The following TXNRD3 variants were observed in gnomAD, a reference collection of about 807,000 sequenced individuals.
The protein encoded by TXNRD3 is thioredoxin reductase 3.
A neutral mutation model predicts 78.2 loss-of-function variants in TXNRD3; 68 were observed. The ratio of observed to expected loss-of-function variants is 0.87; its 90% CI spans 0.72 to 1.06. The LOEUF is 1.06. TXNRD3 is among the 50% of genes least tolerant of loss of function. TXNRD3 has a pLI of 0.00. For synonymous variants in TXNRD3, 296 were observed against 300.1 expected, an observed-to-expected ratio of 0.99 and a Z score of 0.14; for missense variants, 751 against 809.5, an observed-to-expected ratio of 0.93 and a Z score of 0.88.
chr3:126,631,860 T>C lies in TXNRD3; in HGVS notation c.875A>G (p.Gln292Arg), dbSNP rs1938722861. The C allele has an allele frequency of 6.5e-7, 1 of 1,535,954 alleles. No homozygotes were observed. The highest frequency in any genetic ancestry group is 2.0e-5 in the Admixed American group (1 of 50,982). The change falls in exon 8 of 16, where the codon CAG becomes CGG. Residue 292 changes from glutamine to arginine, a missense_variant. Transcript: ENST00000524230. ...CTGTGCAGCAGTATAATAAGTCTCC[T>C]GTCCTTTTTTATTGGTTGCCTTGAA...
rs1275325580 is a variant in TXNRD3, at chr3:126,654,844, G to A, written c.147C>T (p.Ser49=). ...GGCGGCGCAGCTCCTCGCGGGCCTC[G>A]GACGAGCGGCTGGGCCCGGGGGACG... The change falls in exon 1 of 16, where the codon TCC becomes TCT. Residue 49 remains serine (S), a synonymous_variant. Coordinates refer to ENST00000524230, the MANE Select transcript of TXNRD3 (RefSeq NM_052883.3). The A allele has an allele frequency of 1.5e-6, 2 of 1,370,720 alleles. No individual in the cohort carries two copies. The highest frequency in any genetic ancestry group is 1.7e-5 in the South Asian group (1 of 59,434). 84.9% of individuals were successfully genotyped at this position (1,370,720 alleles called of 1,614,324 possible).
intron 13 of TXNRD3, among the ~76,000 whole-genome samples, chr3:126,615,088 T>C (rs1206613324): frequency 6.6e-6 from 1 of 152,200 alleles, no homozygotes; most frequent in Non-Finnish European, 1.5e-5. Context: ...AGCTTCCTTG[T>C]ACAAGTTTGC....
chr3:126,630,658 T>C, intron 9 of TXNRD3, 54 bp downstream of exon 9: 1 of 1,433,154 alleles, frequency 7.0e-7, no homozygotes, highest in Non-Finnish European at 9.5e-7. Context: ...TGAAGTAAGG[T>C]GAGATAAAGT....
In TXNRD3 at chr3:126,622,375, C is replaced by T. The variant is rs531297140; in HGVS notation, c.1367+89G>A. The T allele has an allele frequency of 4.2e-4, 359 of 848,074 alleles. 5 individuals carry two copies. In the South Asian group the frequency reaches 6.6e-3, roughly 15 times the overall value. The allele number at this position is 848,074 out of a possible 1,614,324, so 52.5% of individuals were successfully genotyped here. The stretch of plus-strand genomic sequence containing the variant: ...ACTTATAAGATAAATTAAGACATAT[C>T]TCAGTAATTAAATGAGAATTTCTTA... On this transcript the variant is annotated intron_variant, in intron 11 of 15. Coordinates refer to ENST00000524230, the MANE Select transcript of TXNRD3 (RefSeq NM_052883.3).
intron 9 of TXNRD3, among the ~76,000 whole-genome samples, chr3:126,630,279 A>G (rs1250794848): frequency 6.6e-6 from 1 of 152,258 alleles, no homozygotes; most frequent in Non-Finnish European, 1.5e-5. Context: ...AGCAGCTGAC[A>G]GTCAGCTAAG....
chr3:126,643,413 G>T (rs1329879331), intron 5 of TXNRD3, among the ~76,000 whole-genome samples: 1 of 152,196 alleles, frequency 6.6e-6, no homozygotes, highest in Non-Finnish European at 1.5e-5. Context: ...TGGTCTCCTT[G>T]TTAAGCTAAA....
Position 126,642,039 on chromosome 3 carries a change from A to T in TXNRD3, c.705T>A (p.Asn235Lys), listed in dbSNP as rs1334530968. ...TTATGAACCATTACTCACCTTGTTG[A>T]TTATATTCCCAGCCAAATTTCCTTG... Residue 235 changes from asparagine (N) to lysine (K), a missense_variant, in exon 6 of 16, where the codon AAT becomes AAA. Physicochemically the swap from Asn to Lys is moderately conservative, Grantham distance 94 (BLOSUM62 0). Coordinates refer to ENST00000524230, the MANE Select transcript of TXNRD3 (RefSeq NM_052883.3). 6.5e-7 allele frequency: 1 copy of T among 1,534,812 alleles called. No homozygotes were observed. Among genetic ancestry groups the T allele is most frequent in the Non-Finnish European group, 8.7e-7 (1 of 1,146,562 alleles).
At chr3:126,644,232 G>T in intron 4 of TXNRD3, 65 bp downstream of exon 4, 2 of 1,406,392 alleles carry the variant, frequency 1.4e-6, no homozygotes, top group Admixed American at 2.2e-5. Context: ...TTTTTAAGTA[G>T]CAGAAGAAAT....
At chr3:126,636,311 T>C (rs1483562800) in intron 6 of TXNRD3, among the ~76,000 whole-genome samples, 1 of 152,200 alleles carries the variant, frequency 6.6e-6, no homozygotes, top group Non-Finnish European at 1.5e-5. Flanking sequence ...AAAATATCTT[T>C]TTATTACTTC....
chr3:126,623,851 CCAAAAAAAA>C, intron 10 of TXNRD3, among the ~76,000 whole-genome samples: 1 of 89,770 alleles, frequency 1.1e-5, no homozygotes, highest in East Asian at 3.9e-4. Flanking sequence ...TGAAACAAGG[CCAAAAAAAA>C]AAAAAAAAAA....
chr3:126,649,418 A>C (rs1230953751), intron 1 of TXNRD3, among the ~76,000 whole-genome samples: 2 of 152,258 alleles, frequency 1.3e-5, no homozygotes, highest in African/African-American at 4.8e-5. Flanking sequence ...TGTTGCCACT[A>C]TGGAAAACAG....
chr3:126,632,345 G>A (rs1408439735), intron 7 of TXNRD3, among the ~76,000 whole-genome samples: 2 of 151,940 alleles, frequency 1.3e-5, no homozygotes, highest in African/African-American at 4.8e-5. Context: ...AACCAACAAA[G>A]GTTGCTCACA....
Position 126,654,936 on chromosome 3 carries a change from T to TG in TXNRD3, c.54dup (p.Asn19GlnfsTer61). ...CCTCGGACATGGCCCGAGCGGCGGT[T>TG]GGGGGCATCGCCCGCCTTTCCCGGC... On this transcript the variant is annotated frameshift_variant, in exon 1 of 16. Transcript: ENST00000524230. LOFTEE classifies it high-confidence loss of function. The TG allele has an allele frequency of 7.7e-7, 1 of 1,295,792 alleles. No homozygotes were observed. Among genetic ancestry groups the TG allele is most frequent in the Non-Finnish European group, 9.7e-7 (1 of 1,028,236 alleles). The allele number at this position is 1,295,792 out of a possible 1,614,324, so 80.3% of individuals were successfully genotyped here. A position where few individuals can be genotyped will look rare whatever the true frequency, so the allele number is the denominator to read the frequency against.
At chr3:126,616,823 C>T (rs1200735622) in intron 12 of TXNRD3, among the ~76,000 whole-genome samples, 1 of 152,198 alleles carries the variant, frequency 6.6e-6, no homozygotes, top group African/African-American at 2.4e-5. Context: ...GCATACAACA[C>T]AGGTAAGTTA....
chr3:126,607,630 C>T lies in TXNRD3; in HGVS notation c.*275G>A, dbSNP rs554571908. The stretch of plus-strand genomic sequence containing the variant: ...CCGAGGGAAGCTCAGTCCTGGCTTG[C>T]GAGAGTCAGCCTTGGCTCACCTCAT... On this transcript the variant is annotated 3_prime_UTR_variant, in exon 16 of 16. Transcript: ENST00000524230. 4.6e-5 allele frequency: 14 copies of T among 306,652 alleles called. No individual in the cohort carries two copies. Among genetic ancestry groups the T allele is most frequent in the Non-Finnish European group, 7.7e-5 (13 of 168,166 alleles). The allele number at this position is 306,652 out of a possible 1,614,324, so 19.0% of individuals were successfully genotyped here.
chr3:126,618,494 T>C (rs1220956293), intron 12 of TXNRD3, among the ~76,000 whole-genome samples: 2 of 152,092 alleles, frequency 1.3e-5, no homozygotes, highest in African/African-American at 4.8e-5. Context: ...TAGTGAATGG[T>C]AGTGGGAAAA....
Position 126,648,946 on chromosome 3 carries a change from G to A in TXNRD3, c.244-1650C>T, listed in dbSNP as rs140844030. ...TGGAGTCCAGGAGTTTGGGGCTGTAGTGCATTTTGATCACACCTGTGAATA... is the reference window on the plus strand; with the variant it reads ...TGGAGTCCAGGAGTTTGGGGCTGTAATGCATTTTGATCACACCTGTGAATA... On this transcript the variant is annotated intron_variant, in intron 1 of 15. Transcript: ENST00000524230. 1.4e-4 allele frequency among the ~76,000 whole-genome samples: 21 copies of A among 152,270 alleles called. No individual in the cohort carries two copies. The East Asian group carries it at 3.9e-3, about 28-fold the overall frequency.
At position 126,655,065 on chromosome 3, in the gene TXNRD3, G is replaced by T. The variant is rs1054350971; in HGVS notation, c.-75C>A. 3.7e-5 allele frequency: 48 copies of T among 1,299,388 alleles called. No individual in the cohort carries two copies. Among genetic ancestry groups the T allele is most frequent in the Non-Finnish European group, 4.3e-5 (44 of 1,025,142 alleles). The allele number at this position is 1,299,388 out of a possible 1,614,324, so 80.5% of individuals were successfully genotyped here. A position where few individuals can be genotyped will look rare whatever the true frequency, so the allele number is the denominator to read the frequency against. Reference sequence around the variant, plus strand: ...GCAGGCGGCTGCGGCGCCGGGACGGGGCCTGAGGGGCGGCGAACGCTGCCC... The same window carrying T: ...GCAGGCGGCTGCGGCGCCGGGACGGTGCCTGAGGGGCGGCGAACGCTGCCC... On this transcript the variant is annotated 5_prime_UTR_variant, in exon 1 of 16. Coordinates refer to ENST00000524230, the MANE Select transcript of TXNRD3 (RefSeq NM_052883.3).
chr3:126,655,123 G>A lies in TXNRD3; in HGVS notation c.-133C>T. On this transcript the variant is annotated 5_prime_UTR_variant, in exon 1 of 16. Transcript: ENST00000524230. ...CCACTCTCACCACCCGCGCGAATCC[G>A]CGAGGCAGCCGCTCGCCCCGCCCCC... 7.8e-7 allele frequency: 1 copy of A among 1,288,864 alleles called. No homozygotes were observed. The highest frequency in any genetic ancestry group is 1.6e-5 in the African/African-American group (1 of 64,254). The allele number at this position is 1,288,864 out of a possible 1,614,324, so 79.8% of individuals were successfully genotyped here. A position where few individuals can be genotyped will look rare whatever the true frequency, so the allele number is the denominator to read the frequency against.
Sources: gnomAD v4.1 joint callset for allele counts (sites outside exome capture counted in the v4.1 genomes callset) on GRCh38, gnomAD v4.1.1 for gene constraint, MANE v1.5 for transcripts, NCBI Gene and HGNC (gene_info 2026-07-23, HGNC 2026-07-21) for gene names.